COL28A1: variants seen among roughly 807,000 people sequenced by gnomAD.
The protein encoded by COL28A1 is collagen type XXVIII alpha 1 chain.
COL28A1 carries 161 observed loss-of-function variants against 150.2 expected under a neutral mutation model. That is an observed-to-expected ratio of 1.07 (90% CI 0.94 to 1.22). The LOEUF is 1.22. Among genes scored for constraint, COL28A1 ranks in the 50% most tolerant of loss-of-function variants. The pLI is 0.00. For missense variants in COL28A1, 1,617 were observed against 1,388.3 expected (o/e 1.16, Z -2.62); for synonymous variants, 552 against 469.7 (o/e 1.18, Z -2.26).
At chr7:7,390,527 C>A (rs1179182612) in intron 27 of COL28A1, among the ~76,000 whole-genome samples, 2 of 152,082 alleles carry the variant, frequency 1.3e-5, no homozygotes, top group East Asian at 1.9e-4. Flanking sequence ...AGGGAGGAGT[C>A]CCTCTTTTTC....
chr7:7,518,144 G>C (rs949911238), intron 6 of COL28A1, among the ~76,000 whole-genome samples: 1 of 152,054 alleles, frequency 6.6e-6, no homozygotes, highest in African/African-American at 2.4e-5. Context: ...TACTCACTTG[G>C]AGCCAGTCAC....
chr7:7,461,062 G>A (rs549958129), intron 15 of COL28A1, among the ~76,000 whole-genome samples: 1 of 152,304 alleles, frequency 6.6e-6, no homozygotes, highest in South Asian at 2.1e-4. Flanking sequence ...GCAGGACCTG[G>A]GAGACATCCC....
At chr7:7,422,881 C>T (rs1331662836) in intron 25 of COL28A1, among the ~76,000 whole-genome samples, 1 of 152,176 alleles carries the variant, frequency 6.6e-6, no homozygotes, top group African/African-American at 2.4e-5. Flanking sequence ...ATCAGCAAAT[C>T]CGCAAGTACA....
intron 8 of COL28A1, among the ~76,000 whole-genome samples, chr7:7,514,819 A>G (rs1781332097): frequency 1.3e-5 from 2 of 152,198 alleles, no homozygotes; most frequent in East Asian, 3.8e-4. Context: ...TGCCCCGGGT[A>G]GCACAACAAA....
chr7:7,403,339 AG>A (rs1783321392), intron 27 of COL28A1, among the ~76,000 whole-genome samples: 1 of 152,192 alleles, frequency 6.6e-6, no homozygotes, highest in African/African-American at 2.4e-5. Context: ...TGTGTATACT[AG>A]TTTTTGAAGC....
intron 30 of COL28A1, among the ~76,000 whole-genome samples, chr7:7,378,736 T>C (rs17167072): frequency 0.047 from 7,135 of 152,256 alleles, 592 homozygotes; most frequent in African/African-American, 0.16. Flanking sequence ...ACTTTGGGCG[T>C]AATGTCCAAC....
chr7:7,401,020 G>T (rs998192666), intron 27 of COL28A1, among the ~76,000 whole-genome samples: 2 of 147,208 alleles, frequency 1.4e-5, no homozygotes, highest in Non-Finnish European at 3.0e-5. Context: ...GTGTGTGTGT[G>T]TGTGTACAGC....
chr7:7,471,520 C>T (rs996468545), intron 15 of COL28A1, among the ~76,000 whole-genome samples: 14 of 152,140 alleles, frequency 9.2e-5, no homozygotes, highest in African/African-American at 3.4e-4. Context: ...GATAATCCAC[C>T]ATGATCAAAT....
At chr7:7,422,757 C>A (rs185416406) in intron 25 of COL28A1, among the ~76,000 whole-genome samples, 1 of 152,234 alleles carries the variant, frequency 6.6e-6, no homozygotes, top group Non-Finnish European at 1.5e-5. Flanking sequence ...GATGTAAACA[C>A]GTCTCTTGAC....
chr7:7,401,783 G>A (rs1336018112), intron 27 of COL28A1, among the ~76,000 whole-genome samples: 1 of 152,062 alleles, frequency 6.6e-6, no homozygotes, highest in Non-Finnish European at 1.5e-5. Context: ...TTTAAATCAT[G>A]ATTAATATCA....
intron 33 of COL28A1, among the ~76,000 whole-genome samples, chr7:7,369,875 T>C (rs535203712): frequency 3.3e-5 from 5 of 152,296 alleles, no homozygotes; most frequent in African/African-American, 1.2e-4. Context: ...GCAAGGACTT[T>C]ACTGAGCTTA....
At chr7:7,390,687 C>T (rs920474241) in intron 27 of COL28A1, among the ~76,000 whole-genome samples, 10 of 152,006 alleles carry the variant, frequency 6.6e-5, no homozygotes, top group African/African-American at 1.5e-4. Context: ...TTGGTCTGTT[C>T]GAGGATTCAA....
At chr7:7,518,065 G>A (rs759161982) in intron 6 of COL28A1, among the ~76,000 whole-genome samples, 1 of 151,582 alleles carries the variant, frequency 6.6e-6, no homozygotes, top group African/African-American at 2.4e-5. Flanking sequence ...GCAGGATCCA[G>A]GTACCTTTTC....
At chr7:7,357,475 A>G (rs1289033111), downstream of COL28A1, among the ~76,000 whole-genome samples, 3 of 152,108 alleles carry the variant, frequency 2.0e-5, no homozygotes, top group Non-Finnish European at 2.9e-5. Flanking sequence ...CCTGACCAAC[A>G]TGGTGAAACT....
intron 13 of COL28A1, among the ~76,000 whole-genome samples, chr7:7,482,147 C>G (rs1353201714): frequency 6.6e-6 from 1 of 152,096 alleles, no homozygotes; most frequent in Non-Finnish European, 1.5e-5. Context: ...ATAATTCAGG[C>G]AAAGAAACAA....
intron 18 of COL28A1, 132 bp from the exon 19 acceptor site, chr7:7,444,621 T>G: frequency 1.2e-6 from 1 of 828,864 alleles, no homozygotes; most frequent in Non-Finnish European, 1.8e-6. Context: ...ACTAAACTAT[T>G]TGATCTTGGG....
intron 4 of COL28A1, among the ~76,000 whole-genome samples, chr7:7,523,895 T>G (rs1781881174): frequency 6.6e-6 from 1 of 152,080 alleles, no homozygotes; most frequent in African/African-American, 2.4e-5. Context: ...CCCCCCAAAA[T>G]AGAGGACCTG....
chr7:7,410,001 T>C (rs1366249709), intron 27 of COL28A1, among the ~76,000 whole-genome samples: 1 of 152,226 alleles, frequency 6.6e-6, no homozygotes, highest in Non-Finnish European at 1.5e-5. Flanking sequence ...GAAAACAGCC[T>C]ACTATATCCT....
chr7:7,374,494 G>T (rs1223824175), intron 31 of COL28A1, among the ~76,000 whole-genome samples: 2 of 152,080 alleles, frequency 1.3e-5, no homozygotes, highest in Admixed American at 6.6e-5. Context: ...GTACATCCAT[G>T]CTATGAAAGC....
Sources: gnomAD v4.1 joint callset for allele counts (sites outside exome capture counted in the v4.1 genomes callset) on GRCh38, gnomAD v4.1.1 for gene constraint, MANE v1.5 for transcripts, NCBI Gene and HGNC (gene_info 2026-07-23, HGNC 2026-07-21) for gene names.